NDUFAF6: variants seen among roughly 807,000 people sequenced by gnomAD.
NDUFAF6 encodes NADH dehydrogenase (ubiquinone) complex I, assembly factor 6.
NDUFAF6 carries 45 observed loss-of-function variants against 40.8 expected under a neutral mutation model. The ratio of observed to expected loss-of-function variants is 1.10; its 90% CI spans 0.87 to 1.42. The LOEUF is 1.42. NDUFAF6 is among the 40% of genes most tolerant of loss of function. The probability of loss-of-function intolerance (pLI) is 0.00; values close to 1 mark genes in which losing one functional copy is unlikely to be tolerated. For missense variants in NDUFAF6, 435 were observed against 418.5 expected (o/e 1.04, Z -0.34); for synonymous variants, 185 against 155.9 (o/e 1.19, Z -1.39).
intron 1 of NDUFAF6, among the ~76,000 whole-genome samples, chr8:94,900,148 C>T (rs1275314333): frequency 6.6e-6 from 1 of 152,142 alleles, no homozygotes. Flanking sequence ...CTGCTTGTCT[C>T]TGCCAGGCTG....
At chr8:94,959,875 C>T (rs1586811170) in intron 1 of NDUFAF6, among the ~76,000 whole-genome samples, 1 of 151,930 alleles carries the variant, frequency 6.6e-6, no homozygotes, top group African/African-American at 2.4e-5. Context: ...GGCTTTGGGT[C>T]CCCCCCAGTT....
Position 95,088,689 on chromosome 8 carries a change from T to TTGTGTGTGTG in NDUFAF6, n.214-12413_214-12404dup, listed in dbSNP as rs545260109. On this transcript the variant is annotated intron_variant and non_coding_transcript_variant, in intron 2 of 5. Transcript: ENST00000523184. ...TCAGCCAAGTCACTTTTTTGGGGTT[T>TTGTGTGTGTG]TGTGTGTGTGTGTGTGTGTGTGTGT... Among the ~76,000 whole-genome samples the TTGTGTGTGTG allele has an allele frequency of 5.5e-3, 779 of 142,352 alleles. 6 individuals are homozygous for TTGTGTGTGTG. Among genetic ancestry groups the TTGTGTGTGTG allele is most frequent in the African/African-American group, 0.017 (618 of 36,884 alleles). 93.4% of individuals were successfully genotyped at this position (142,352 alleles called of 152,430 possible).
At chr8:95,023,851 C>T (rs879532235), upstream of NDUFAF6, among the ~76,000 whole-genome samples, 4 of 152,190 alleles carry the variant, frequency 2.6e-5, no homozygotes, top group South Asian at 2.1e-4. Flanking sequence ...ATTAGCTGGA[C>T]GTGGTGGCGT....
At chr8:95,060,118 C>G (rs1361787758), downstream of NDUFAF6, among the ~76,000 whole-genome samples, 1 of 152,046 alleles carries the variant, frequency 6.6e-6, no homozygotes, top group Admixed American at 6.6e-5. Flanking sequence ...AAAATACTTT[C>G]TAAACCATTT....
chr8:94,914,103 C>CT (rs563687562), intron 1 of NDUFAF6, among the ~76,000 whole-genome samples: 14,026 of 98,062 alleles, frequency 0.14, 1,460 homozygotes, highest in Non-Finnish European at 0.17. Flanking sequence ...GACCTTATCT[C>CT]TTTTTTTTTT....
chr8:95,046,354 A>T (rs909811241), intron 5 of NDUFAF6, among the ~76,000 whole-genome samples: 8 of 152,200 alleles, frequency 5.3e-5, no homozygotes. Flanking sequence ...CTAAAACTGC[A>T]TTTATAAAAG....
rs2131887705 is a variant in NDUFAF6, at chr8:95,045,645, T to G, written c.578T>G (p.Leu193Trp). The change falls in exon 5 of 9, where the codon TTG becomes TGG. Residue 193 changes from leucine to tryptophan, a missense_variant and splice_region_variant. By Grantham distance (61) the Leu-to-Trp change is moderately conservative. Coordinates refer to ENST00000396124, the MANE Select transcript of NDUFAF6 (RefSeq NM_152416.4). Reference protein sequence around the residue: ...SSLLYLTLEILGIKDLHADHA... With the variant: ...SSLLYLTLEIWGIKDLHADHA... ...CTTCTTTACTTAACACTAGAAATAT[T>G]GGGTAAGTTGTTTTTCTGTTTCATA... 6.2e-7 allele frequency: 1 copy of G among 1,607,778 alleles called. No individual in the cohort carries two copies. Among genetic ancestry groups the G allele is most frequent in the Admixed American group, 1.7e-5 (1 of 59,940 alleles).
intron 6 of NDUFAF6, among the ~76,000 whole-genome samples, 199 bp from the exon 7 acceptor site, chr8:95,048,258 C>G (rs1011520086): frequency 6.6e-6 from 1 of 151,796 alleles, no homozygotes; most frequent in Non-Finnish European, 1.5e-5. Context: ...TTTTTTCTCT[C>G]TCTCCACACA....
intron 2 of NDUFAF6, among the ~76,000 whole-genome samples, chr8:95,002,189 A>C (rs971616725): frequency 3.3e-5 from 5 of 152,168 alleles, no homozygotes; most frequent in African/African-American, 1.2e-4. Flanking sequence ...CTTGTTCCCC[A>C]TTCTTTTGAC....
chr8:95,021,824 A>G (rs1417742952), upstream of NDUFAF6, among the ~76,000 whole-genome samples: 1 of 152,192 alleles, frequency 6.6e-6, no homozygotes, highest in Non-Finnish European at 1.5e-5. Context: ...AAGGTCCTGA[A>G]AATCCTTGAT....
intron 2 of NDUFAF6, among the ~76,000 whole-genome samples, chr8:95,005,516 G>C (rs1826923230): frequency 1.2e-5 from 1 of 81,566 alleles, no homozygotes. Flanking sequence ...GGGGAGGACT[G>C]GTCCTTTTAA....
At chr8:94,962,551 C>A (rs896368116) in intron 1 of NDUFAF6, among the ~76,000 whole-genome samples, 1 of 152,198 alleles carries the variant, frequency 6.6e-6, no homozygotes, top group African/African-American at 2.4e-5. Context: ...CCTTGACCTC[C>A]CAAAGTGCTG....
intron 1 of NDUFAF6, among the ~76,000 whole-genome samples, chr8:94,979,547 T>G (rs1825242205): frequency 6.6e-6 from 1 of 152,232 alleles, no homozygotes; most frequent in Non-Finnish European, 1.5e-5. Flanking sequence ...TAGTCCACAT[T>G]CCTGAAATCT....
intron 9 of NDUFAF6, among the ~76,000 whole-genome samples, chr8:95,074,033 A>C (rs1832956258): frequency 6.6e-6 from 1 of 152,164 alleles, no homozygotes; most frequent in Admixed American, 6.5e-5. Context: ...TTCAGACTGA[A>C]ATATTTATGT....
chr8:95,009,389 AAG>A (rs1415257346), intron 2 of NDUFAF6, among the ~76,000 whole-genome samples: 1 of 152,198 alleles, frequency 6.6e-6, no homozygotes, highest in Non-Finnish European at 1.5e-5. Flanking sequence ...GTAGTCACAG[AAG>A]AGATGCTCAA....
chr8:94,906,111 C>T (rs530549355), intron 1 of NDUFAF6, among the ~76,000 whole-genome samples: 17 of 152,280 alleles, frequency 1.1e-4, no homozygotes, highest in Admixed American at 2.0e-4. Flanking sequence ...TTTATGAACT[C>T]CAAAGGATCG....
intron 2 of NDUFAF6, among the ~76,000 whole-genome samples, chr8:94,986,199 T>C (rs1825890884): frequency 6.6e-6 from 1 of 152,198 alleles, no homozygotes; most frequent in Admixed American, 6.5e-5. Flanking sequence ...AAAAATCTCA[T>C]GTTCAGCAAA....
downstream of NDUFAF6, among the ~76,000 whole-genome samples, chr8:95,105,464 A>G (rs189652738): frequency 1.2e-4 from 18 of 151,728 alleles, no homozygotes; most frequent in Admixed American, 1.0e-3. Context: ...GACTCCAGAG[A>G]TCCTCCCATC....
At chr8:94,936,052 C>T (rs757057828) in intron 1 of NDUFAF6, among the ~76,000 whole-genome samples, 18 of 152,166 alleles carry the variant, frequency 1.2e-4, no homozygotes. Context: ...GAAACTGGCA[C>T]TTATGGCAAA....
Sources: gnomAD v4.1 joint callset for allele counts (sites outside exome capture counted in the v4.1 genomes callset) on GRCh38, gnomAD v4.1.1 for gene constraint, MANE v1.5 for transcripts, NCBI Gene and HGNC (gene_info 2026-07-23, HGNC 2026-07-21) for gene names.